Variants in CCND1 observed in about 807,000 individuals in gnomAD.
CCND1 encodes G1/S-specific cyclin-D1.
A neutral mutation model predicts 26.1 loss-of-function variants in CCND1; 9 were observed. The ratio of observed to expected loss-of-function variants is 0.35; its 90% CI spans 0.21 to 0.60. The LOEUF (loss-of-function observed/expected upper bound fraction) is 0.60, where lower values mean the gene tolerates loss of function less well. Ranked by LOEUF, CCND1 falls within the 20% of genes least tolerant of loss-of-function variation. The pLI is 0.79. For synonymous variants in CCND1, 194 were observed against 166.1 expected, an observed-to-expected ratio of 1.17 and a Z score of -1.29; for missense variants, 335 against 392.9, an observed-to-expected ratio of 0.85 and a Z score of 1.25.
intron 4 of CCND1, among the ~76,000 whole-genome samples, chr11:69,650,332 G>A (rs1855838328): frequency 1.3e-5 from 2 of 152,248 alleles, no homozygotes; most frequent in African/African-American, 4.8e-5. Context: ...GCCCGTGGTG[G>A]AGCCTAGGAG....
rs913470506 is a variant in CCND1 at position 69,651,127 on chromosome 11, C to G, written c.733C>G (p.Arg245Gly). ...RVIKCDPDCL[R>G]ACQEQIEALL... Reference sequence around the variant, plus strand: ...ACCCTCTCTCTCTCAGGACTGCCTCCGGGCCTGCCAGGAGCAGATCGAAGC... The same window carrying G: ...ACCCTCTCTCTCTCAGGACTGCCTCGGGGCCTGCCAGGAGCAGATCGAAGC... Residue 245 changes from arginine to glycine, a missense_variant, in exon 5 of 5, where the codon CGG (arginine) becomes GGG (glycine). By Grantham distance (125) the Arg-to-Gly change is moderately radical (BLOSUM62 -2). Transcript: ENST00000227507. 1 of 1,612,752 alleles carries G rather than the reference C, an allele frequency of 6.2e-7. No individual in the cohort carries two copies. The highest frequency in any genetic ancestry group is 8.5e-7 in the Non-Finnish European group (1 of 1,179,376).
rs1284667513 is a variant in CCND1, at chr11:69,654,134, C to T, written c.*2852C>T. ...GGCACAGGCCCACCCCGCCCCACCC[C>T]TCCAGAACACGGCTCACGCTTACCT... On this transcript the variant is annotated 3_prime_UTR_variant, in exon 5 of 5. Transcript: ENST00000227507. The surrounding 1 kb of genome is among the most constrained non-coding windows in gnomAD (Gnocchi z 6.3). 7 of 680,360 alleles carry T rather than the reference C, an allele frequency of 1.0e-5. No individual in the cohort carries two copies. In the East Asian group the frequency reaches 1.6e-4, roughly 16 times the overall value. The allele number at this position is 680,360 out of a possible 1,614,324, so 42.1% of individuals were successfully genotyped here.
chr11:69,643,686 C>G, intron 2 of CCND1, 146 bp from the exon 3 acceptor site: 1 of 682,726 alleles, frequency 1.5e-6, no homozygotes, highest in South Asian at 2.1e-5. Context: ...CCAGCCCTCC[C>G]CTCCAACATC....
chr11:69,642,753 C>A (rs1366314855), intron 1 of CCND1, among the ~76,000 whole-genome samples: 1 of 151,854 alleles, frequency 6.6e-6, no homozygotes, highest in Admixed American at 6.6e-5. Flanking sequence ...GTCCCGGGGG[C>A]CGGCAGCCCG....
Position 69,653,248 on chromosome 11 carries a change from T to G in CCND1, c.*1966T>G, listed in dbSNP as rs1855878482. On this transcript the variant is annotated 3_prime_UTR_variant, in exon 5 of 5. Coordinates refer to ENST00000227507, the MANE Select transcript of CCND1 (RefSeq NM_053056.3). ...CAGCTCCATTTTCTTATTGCGCTGC[T>G]ACCGTTGACTTCCAGGCACGGTTTG... 1 of 701,766 alleles carries G rather than the reference T, an allele frequency of 1.4e-6. No individual in the cohort carries two copies. 43.5% of individuals were successfully genotyped at this position (701,766 alleles called of 1,614,324 possible). A position where few individuals can be genotyped will look rare whatever the true frequency, so the allele number is the denominator to read the frequency against.
Position 69,654,402 on chromosome 11 carries a change from G to C in CCND1, c.*3120G>C. On this transcript the variant is annotated 3_prime_UTR_variant, in exon 5 of 5. Transcript: ENST00000227507. The surrounding 1 kb of genome is among the most constrained non-coding windows in gnomAD (Gnocchi z 6.3). The stretch of plus-strand genomic sequence containing the variant: ...CCGCGGCGCTTCCCAGCACCAACAT[G>C]TAACCGGCATGTTTCCAGCAGAAGA... 2 of 697,498 alleles carry C rather than the reference G, an allele frequency of 2.9e-6. No homozygotes were observed. The highest frequency in any genetic ancestry group is 3.0e-5 in the South Asian group (2 of 67,336). The allele number at this position is 697,498 out of a possible 1,614,324, so 43.2% of individuals were successfully genotyped here.
Position 69,653,831 on chromosome 11 carries a change from G to A in CCND1, c.*2549G>A. The A allele has an allele frequency of 2.9e-6, 1 of 342,224 alleles. No homozygotes were observed. The allele number at this position is 342,224 out of a possible 1,614,324, so 21.2% of individuals were successfully genotyped here. A position where few individuals can be genotyped will look rare whatever the true frequency, so the allele number is the denominator to read the frequency against. On this transcript the variant is annotated 3_prime_UTR_variant, in exon 5 of 5. Transcript: ENST00000227507. ...TGCCACCACGGCGTTGTACCTGTAG[G>A]ACTCTCATTCGGGATGATTGGAATA... is the stretch of plus-strand genomic sequence containing the variant.
intron 1 of CCND1, 41 bp downstream of exon 1, chr11:69,641,552 C>T (rs748679044): frequency 1.3e-6 from 2 of 1,593,426 alleles, no homozygotes; most frequent in Non-Finnish European, 1.7e-6. Flanking sequence ...TTCCCTGCAA[C>T]TTGTTGCCCA....
At chr11:69,645,918 G>C (rs900644316) in intron 3 of CCND1, among the ~76,000 whole-genome samples, 1 of 152,210 alleles carries the variant, frequency 6.6e-6, no homozygotes, top group Non-Finnish European at 1.5e-5. Context: ...TGGGAGGCCA[G>C]GTGAGGAACG....
At chr11:69,648,370 T>C in intron 4 of CCND1, 2 of 548,568 alleles carry the variant, frequency 3.6e-6, no homozygotes, top group Non-Finnish European at 6.4e-6. Context: ...TCACGTCCCC[T>C]GGGGCTTCCA....
Position 69,641,418 on chromosome 11 carries a change from G to A in CCND1, c.105G>A (p.Glu35=), listed in dbSNP as rs1212798981. ...DRVLRAMLKA[E]ETCAPSVSYF... ...TGCTGCGGGCCATGCTGAAGGCGGA[G>A]GAGACCTGCGCGCCCTCGGTGTCCT... The change falls in exon 1 of 5, where the codon GAG becomes GAA. Residue 35 remains glutamate, a synonymous_variant. Coordinates refer to ENST00000227507, the MANE Select transcript of CCND1 (RefSeq NM_053056.3). The A allele has an allele frequency of 1.2e-6, 2 of 1,613,490 alleles. No individual in the cohort carries two copies. The highest frequency in any genetic ancestry group is 4.5e-5 in the East Asian group (2 of 44,874).
chr11:69,651,573 G>T lies in CCND1; in HGVS notation c.*291G>T. 3.1e-6 allele frequency: 1 copy of T among 326,554 alleles called. No individual in the cohort carries two copies. Among genetic ancestry groups the T allele is most frequent in the Non-Finnish European group, 5.5e-6 (1 of 180,874 alleles). The allele number at this position is 326,554 out of a possible 1,614,324, so 20.2% of individuals were successfully genotyped here. A position where few individuals can be genotyped will look rare whatever the true frequency, so the allele number is the denominator to read the frequency against. Reference sequence around the variant, plus strand: ...GAGGGTTGTGCTACAGATGATAGAGGATTTTATACCCCAATAATCAACTCG... The same window carrying T: ...GAGGGTTGTGCTACAGATGATAGAGTATTTTATACCCCAATAATCAACTCG... On this transcript the variant is annotated 3_prime_UTR_variant, in exon 5 of 5. Coordinates refer to ENST00000227507, the MANE Select transcript of CCND1 (RefSeq NM_053056.3).
At chr11:69,644,408 T>A (rs866152215) in intron 3 of CCND1, among the ~76,000 whole-genome samples, 32 of 152,116 alleles carry the variant, frequency 2.1e-4, no homozygotes, top group Admixed American at 3.3e-4. Context: ...TCCTGGCCTC[T>A]CCCAGGCTGG....
intron 3 of CCND1, among the ~76,000 whole-genome samples, chr11:69,647,479 G>A (rs1176412906): frequency 6.6e-6 from 1 of 151,320 alleles, no homozygotes; most frequent in Non-Finnish European, 1.5e-5. Flanking sequence ...CAGCCCCGTG[G>A]CCTGGCCCGG....
chr11:69,650,739 C>A (rs3212891), intron 4 of CCND1, among the ~76,000 whole-genome samples: 83,549 of 152,006 alleles, frequency 0.55, 23,269 homozygotes, highest in East Asian at 0.87. Context: ...AGGCAGGGTT[C>A]AAAGGGCCTC....
rs1855729864 is a variant in CCND1 at position 69,643,045 on chromosome 11, G to T, written c.213G>T (p.Gln71His). Residue 71 changes from glutamine to histidine, a missense_variant, in exon 2 of 5, where the codon CAG becomes CAT. Physicochemically the swap from Gln to His is conservative, Grantham distance 24 (BLOSUM62 0). Transcript: ENST00000227507. ...TGCCTCCGTAGGTCTGCGAGGAACA[G>T]AAGTGCGAGGAGGAGGTCTTCCCGC... ...ATWMLEVCEE[Q>H]KCEEEVFPLA... is the part of the protein sequence containing the mutation. 6.2e-7 allele frequency: 1 copy of T among 1,603,228 alleles called. No individual in the cohort carries two copies.
intron 3 of CCND1, among the ~76,000 whole-genome samples, chr11:69,645,408 G>A (rs1277291172): frequency 1.3e-5 from 2 of 152,170 alleles, no homozygotes; most frequent in Non-Finnish European, 2.9e-5. Flanking sequence ...GGAGGCAGTG[G>A]GCAGGTGCAG....
chr11:69,653,947 C>CTAATT lies in CCND1; in HGVS notation c.*2669_*2673dup. The CTAATT allele has an allele frequency of 1.8e-6, 1 of 563,218 alleles. No individual in the cohort carries two copies. The highest frequency in any genetic ancestry group is 2.8e-5 in the East Asian group (1 of 35,114). 34.9% of individuals were successfully genotyped at this position (563,218 alleles called of 1,614,324 possible). Reference sequence around the variant, plus strand: ...TTGTTTTGTTAATTACACCATAATGCTAATTTAAAGAGACTCCAAATCTCA... The same window carrying CTAATT: ...TTGTTTTGTTAATTACACCATAATGCTAATTTAATTTAAAGAGACTCCAAATCTCA... On this transcript the variant is annotated 3_prime_UTR_variant, in exon 5 of 5. Transcript: ENST00000227507.
At chr11:69,650,490 G>A (rs1329234522) in intron 4 of CCND1, among the ~76,000 whole-genome samples, 2 of 152,204 alleles carry the variant, frequency 1.3e-5, no homozygotes, top group African/African-American at 2.4e-5. Context: ...ACCCGAGGGC[G>A]AGCACCTCAG....
Sources: allele counts gnomAD v4.1 joint callset (sites outside exome capture counted in the v4.1 genomes callset), GRCh38; gene constraint gnomAD v4.1.1; non-coding constraint Gnocchi (gnomAD v3.1); transcripts MANE v1.5; gene names NCBI Gene and HGNC (gene_info 2026-07-23, HGNC 2026-07-21).